Variants in CDH7 observed in about 807,000 individuals in gnomAD.
The protein encoded by CDH7 is cadherin 7.
Under a neutral mutation model 71.8 loss-of-function variants are expected in CDH7, and 25 were observed. The observed-to-expected ratio is 0.35, with a 90% CI of 0.25 to 0.49. The LOEUF (loss-of-function observed/expected upper bound fraction) is 0.49, where lower values mean the gene tolerates loss of function less well. CDH7 is among the 20% of genes least tolerant of loss of function. The pLI is 0.99. For missense variants in CDH7, 862 were observed against 974.6 expected, an observed-to-expected ratio of 0.88 and a Z score of 1.54; for synonymous variants, 381 against 363.8, an observed-to-expected ratio of 1.05 and a Z score of -0.54.
chr18:65,768,348 C>A (rs1358655577), intron 2 of CDH7, among the ~76,000 whole-genome samples: 1 of 152,084 alleles, frequency 6.6e-6, no homozygotes, highest in South Asian at 2.1e-4. Context: ...AATTCTCCTG[C>A]CTCAGCCTCC....
At chr18:65,833,070 A>G (rs1022806056) in intron 6 of CDH7, among the ~76,000 whole-genome samples, 7 of 152,194 alleles carry the variant, frequency 4.6e-5, no homozygotes, top group African/African-American at 1.7e-4. Flanking sequence ...TTGCTGTGCT[A>G]GATTCAAAAT....
intron 6 of CDH7, among the ~76,000 whole-genome samples, chr18:65,835,241 C>G (rs1912493355): frequency 6.6e-6 from 1 of 151,986 alleles, no homozygotes; most frequent in Non-Finnish European, 1.5e-5. Context: ...TTGACCCAAG[C>G]AAGACACAGG....
At chr18:65,809,604 A>T in intron 2 of CDH7, 100 bp from the exon 3 acceptor site, 1 of 998,342 alleles carries the variant, frequency 1.0e-6, no homozygotes, top group African/African-American at 1.6e-5. Context: ...GAACAATAAA[A>T]TTTCATGTAC....
chr18:65,852,268 T>G (rs1158047386), intron 7 of CDH7, among the ~76,000 whole-genome samples: 1 of 152,182 alleles, frequency 6.6e-6, no homozygotes, highest in Non-Finnish European at 1.5e-5. Context: ...TTCTAAATCT[T>G]GGATCCAACC....
intron 5 of CDH7, among the ~76,000 whole-genome samples, 161 bp downstream of exon 5, chr18:65,822,409 G>T (rs1911967934): frequency 6.6e-6 from 1 of 151,852 alleles, no homozygotes; most frequent in Non-Finnish European, 1.5e-5. Context: ...TTTGATTCAG[G>T]AATATGGATT....
chr18:65,815,150 G>T (rs1026813692), intron 4 of CDH7, among the ~76,000 whole-genome samples: 2 of 152,106 alleles, frequency 1.3e-5, no homozygotes, highest in Admixed American at 6.5e-5. Context: ...AAGTGGTATG[G>T]ATAGAATATG....
intron 2 of CDH7, among the ~76,000 whole-genome samples, chr18:65,766,468 C>T (rs1390767266): frequency 6.6e-6 from 1 of 152,092 alleles, no homozygotes; most frequent in South Asian, 2.1e-4. Context: ...CTTCTAGAAC[C>T]CTTACTCAGG....
At chr18:65,786,524 C>G (rs565665929) in intron 2 of CDH7, among the ~76,000 whole-genome samples, 1 of 152,180 alleles carries the variant, frequency 6.6e-6, no homozygotes, top group Non-Finnish European at 1.5e-5. Context: ...TAAATCAGTA[C>G]TGATAATGTT....
chr18:65,751,438 G>T (rs1263510569), intron 1 of CDH7, among the ~76,000 whole-genome samples: 1 of 152,168 alleles, frequency 6.6e-6, no homozygotes, highest in Non-Finnish European at 1.5e-5. Context: ...GCAAATCCCG[G>T]CACTCTCCAG....
At chr18:65,789,416 A>T (rs2143853475) in intron 2 of CDH7, among the ~76,000 whole-genome samples, 1 of 152,268 alleles carries the variant, frequency 6.6e-6, no homozygotes, top group East Asian at 1.9e-4. Context: ...AAAAACCAAG[A>T]CAACCAGCAA....
intron 2 of CDH7, among the ~76,000 whole-genome samples, chr18:65,788,492 T>C (rs1184371481): frequency 1.3e-5 from 2 of 152,148 alleles, no homozygotes; most frequent in Admixed American, 6.5e-5. Flanking sequence ...GTAAAGTTCA[T>C]GTTGGTAGCT....
At chr18:65,769,975 T>C (rs1306365231) in intron 2 of CDH7, among the ~76,000 whole-genome samples, 2 of 152,086 alleles carry the variant, frequency 1.3e-5, no homozygotes, top group African/African-American at 4.8e-5. Flanking sequence ...TCTAAAATCT[T>C]GAAAGAGATA....
At chr18:65,829,505 T>G (rs1203954433) in intron 6 of CDH7, among the ~76,000 whole-genome samples, 1 of 151,612 alleles carries the variant, frequency 6.6e-6, no homozygotes, top group East Asian at 1.9e-4. Context: ...CAGACTCATA[T>G]TTGCCAGATA....
intron 9 of CDH7, 79 bp downstream of exon 9, chr18:65,859,125 TC>T: frequency 7.4e-7 from 1 of 1,344,878 alleles, no homozygotes. Flanking sequence ...TTGAAATTCT[TC>T]CAGCTTTAAG....
At chr18:65,787,863 T>C (rs779556720) in intron 2 of CDH7, among the ~76,000 whole-genome samples, 5 of 152,038 alleles carry the variant, frequency 3.3e-5, no homozygotes, top group African/African-American at 7.2e-5. Flanking sequence ...TCAGTAGATA[T>C]ATGAGTAATA....
At chr18:65,782,969 C>CA (rs1350156733) in intron 2 of CDH7, among the ~76,000 whole-genome samples, 1 of 151,996 alleles carries the variant, frequency 6.6e-6, no homozygotes, top group Admixed American at 6.6e-5. Flanking sequence ...AAACAGACTG[C>CA]AAAAAGGATA....
rs1336040056 is a variant in CDH7, at chr18:65,862,748, G to A, written c.1695G>A (p.Val565=). The change falls in exon 11 of 12, where the codon GTG becomes GTA. Residue 565 remains valine, a synonymous_variant. Coordinates refer to ENST00000397968, the MANE Select transcript of CDH7 (RefSeq NM_004361.5). ...QSVYYLPIFI[V]DSGSPSLSST... ...TTTACTATCTGCCAATTTTCATTGT[G>A]GACAGTGGATCTCCCTCACTTAGCA... The A allele has an allele frequency of 6.2e-7, 1 of 1,613,936 alleles. No homozygotes were observed. The highest frequency in any genetic ancestry group is 8.5e-7 in the Non-Finnish European group (1 of 1,179,926).
chr18:65,770,443 C>T (rs1208610968), intron 2 of CDH7, among the ~76,000 whole-genome samples: 1 of 152,192 alleles, frequency 6.6e-6, no homozygotes, highest in East Asian at 1.9e-4. Flanking sequence ...AGAACTAACA[C>T]AAGACATTAC....
At position 65,844,273 on chromosome 18, in the gene CDH7, T is replaced by A. The variant is rs911987484; in HGVS notation, c.1235+208T>A. Among the ~76,000 whole-genome samples the A allele has an allele frequency of 2.7e-5, 4 of 149,836 alleles. No individual in the cohort carries two copies. In the Admixed American group the frequency reaches 2.7e-4, roughly 10 times the overall value. On this transcript the variant is annotated intron_variant, in intron 7 of 11. Transcript: ENST00000397968. ...TATCATCTGATTATCAAGGCCATTATCGTTGAGCCATATTTTTAGGCCTCC... is the reference window on the plus strand; with the variant it reads ...TATCATCTGATTATCAAGGCCATTAACGTTGAGCCATATTTTTAGGCCTCC...
Sources: gnomAD v4.1 joint callset for allele counts (sites outside exome capture counted in the v4.1 genomes callset) on GRCh38, gnomAD v4.1.1 for gene constraint, MANE v1.5 for transcripts, NCBI Gene and HGNC (gene_info 2026-07-23, HGNC 2026-07-21) for gene names.